The following ZBTB20 variants were observed in gnomAD, a reference collection of about 807,000 sequenced individuals.
ZBTB20 encodes zinc finger and BTB domain containing 20.
Under a neutral mutation model 56.9 loss-of-function variants are expected in ZBTB20, and 9 were observed. The ratio of observed to expected loss-of-function variants is 0.16; its 90% CI spans 0.10 to 0.28. The LOEUF is 0.28. Among genes scored for constraint, ZBTB20 ranks in the 10% least tolerant of loss-of-function variants. The pLI is 1.00. For missense variants in ZBTB20, 655 were observed against 1,003.0 expected (o/e 0.65, Z 4.69); for synonymous variants, 417 against 420.7 (o/e 0.99, Z 0.11).
intron 2 of ZBTB20, among the ~76,000 whole-genome samples, chr3:115,000,929 C>A (rs1291996752): frequency 6.6e-6 from 1 of 151,386 alleles, no homozygotes; most frequent in African/African-American, 2.4e-5. Context: ...CTTCTTGCAA[C>A]AAGAGAATAC....
At chr3:115,034,164 C>T (rs904928460) in intron 2 of ZBTB20, among the ~76,000 whole-genome samples, 10 of 151,592 alleles carry the variant, frequency 6.6e-5, no homozygotes, top group African/African-American at 2.4e-4. Context: ...ATACTGAAAG[C>T]TCTTCCTCTG....
chr3:114,538,354 A>G (rs572565739), intron 6 of ZBTB20, among the ~76,000 whole-genome samples: 1 of 152,306 alleles, frequency 6.6e-6, no homozygotes, highest in East Asian at 1.9e-4. Flanking sequence ...CAACATTAGT[A>G]ATAACTTCCT....
chr3:114,950,985 A>G (rs2077047428), intron 3 of ZBTB20, among the ~76,000 whole-genome samples: 1 of 152,162 alleles, frequency 6.6e-6, no homozygotes. Context: ...TTTTTCAAAA[A>G]TAAACTAATA....
chr3:115,014,288 A>G (rs1560492744), intron 2 of ZBTB20, among the ~76,000 whole-genome samples: 1 of 151,556 alleles, frequency 6.6e-6, no homozygotes, highest in Non-Finnish European at 1.5e-5. Flanking sequence ...GTAGGGGGAG[A>G]AGTGGGGATG....
intron 5 of ZBTB20, among the ~76,000 whole-genome samples, chr3:114,715,261 A>G (rs1432464360): frequency 6.6e-6 from 1 of 152,190 alleles, no homozygotes; most frequent in African/African-American, 2.4e-5. Flanking sequence ...TTCCTGTAGC[A>G]CATTATCGTT....
intron 6 of ZBTB20, among the ~76,000 whole-genome samples, chr3:114,522,395 G>A (rs780271315): frequency 5.9e-5 from 9 of 152,104 alleles, no homozygotes; most frequent in Non-Finnish European, 1.3e-4. Context: ...GAGGTAATGG[G>A]GAAATTGAAT....
chr3:114,846,075 A>G lies in ZBTB20; in HGVS notation c.-416-44901T>C, dbSNP rs1010836321. Among the ~76,000 whole-genome samples the G allele has an allele frequency of 1.3e-4, 20 of 152,196 alleles. 1 individual carries two copies. The highest frequency in any genetic ancestry group is 4.8e-4 in the African/African-American group (20 of 41,444). ...AGATAGGTGGTTAGATAAACACACAAGAGATATGTATGTTAGAGACATACA... is the reference window on the plus strand; with the variant it reads ...AGATAGGTGGTTAGATAAACACACAGGAGATATGTATGTTAGAGACATACA... On this transcript the variant is annotated intron_variant, in intron 4 of 11. Transcript: ENST00000675478.
intron 7 of ZBTB20, among the ~76,000 whole-genome samples, chr3:114,491,114 AT>A (rs1559863869): frequency 6.6e-6 from 1 of 152,238 alleles, no homozygotes; most frequent in African/African-American, 2.4e-5. Context: ...TGCCTGGAGA[AT>A]TTAACTAAGC....
chr3:115,052,318 A>G (rs1404210011), intron 2 of ZBTB20, among the ~76,000 whole-genome samples: 3 of 152,016 alleles, frequency 2.0e-5, no homozygotes, highest in Non-Finnish European at 1.5e-5. Context: ...TTAGCTGGGC[A>G]TGGTGGTGCA....
intron 7 of ZBTB20, among the ~76,000 whole-genome samples, chr3:114,490,895 G>A (rs1415446113): frequency 6.6e-6 from 1 of 152,178 alleles, no homozygotes; most frequent in Non-Finnish European, 1.5e-5. Flanking sequence ...CAGGGCAGAG[G>A]GAAGGAGCAG....
At chr3:115,139,316 T>C (rs925023464) in intron 1 of ZBTB20, among the ~76,000 whole-genome samples, 13 of 151,944 alleles carry the variant, frequency 8.6e-5, no homozygotes, top group African/African-American at 3.1e-4. Flanking sequence ...AAAGGATGAG[T>C]CAATTAAACA....
chr3:114,956,043 T>G (rs2077235279), intron 3 of ZBTB20, among the ~76,000 whole-genome samples: 1 of 152,192 alleles, frequency 6.6e-6, no homozygotes, highest in Non-Finnish European at 1.5e-5. Context: ...GTATTAAATA[T>G]GTTCTACTAC....
chr3:114,551,809 A>G (rs2050614200), intron 6 of ZBTB20, among the ~76,000 whole-genome samples: 1 of 152,248 alleles, frequency 6.6e-6, no homozygotes, highest in Admixed American at 6.5e-5. Flanking sequence ...ACGTGTCCCA[A>G]TTGTACCCCA....
intron 7 of ZBTB20, among the ~76,000 whole-genome samples, chr3:114,441,721 A>C (rs2108965273): frequency 6.6e-6 from 1 of 152,198 alleles, no homozygotes; most frequent in East Asian, 1.9e-4. Context: ...TAGGCAACAC[A>C]CCGGTGAATA....
intron 6 of ZBTB20, among the ~76,000 whole-genome samples, chr3:114,546,639 C>A (rs1330767529): frequency 6.7e-6 from 1 of 150,294 alleles, no homozygotes; most frequent in Non-Finnish European, 1.5e-5. Context: ...ATGAAGAAGT[C>A]AGCAAACATT....
chr3:114,669,394 A>T (rs2061236781), intron 6 of ZBTB20, among the ~76,000 whole-genome samples: 1 of 152,050 alleles, frequency 6.6e-6, no homozygotes, highest in Non-Finnish European at 1.5e-5. Flanking sequence ...CTTCAAAAAT[A>T]TATAAACTGA....
chr3:114,397,479 T>C (rs140549983), intron 7 of ZBTB20, among the ~76,000 whole-genome samples: 3 of 151,640 alleles, frequency 2.0e-5, no homozygotes, highest in Admixed American at 1.3e-4. Context: ...TTCTCTCTAC[T>C]TCTCTTTATC....
At chr3:114,797,248 G>C (rs1355548754) in intron 5 of ZBTB20, among the ~76,000 whole-genome samples, 3 of 151,522 alleles carry the variant, frequency 2.0e-5, no homozygotes, top group African/African-American at 4.8e-5. Context: ...TGTGATTCTA[G>C]TATATGTGAT....
chr3:115,083,475 C>T (rs958066444), intron 1 of ZBTB20, among the ~76,000 whole-genome samples: 13 of 151,872 alleles, frequency 8.6e-5, no homozygotes, highest in Admixed American at 3.9e-4. Context: ...AAACACTTAC[C>T]CTCATTGGAT....
Sources: gnomAD v4.1 joint callset for allele counts (sites outside exome capture counted in the v4.1 genomes callset) on GRCh38, gnomAD v4.1.1 for gene constraint, MANE v1.5 for transcripts, NCBI Gene and HGNC (gene_info 2026-07-23, HGNC 2026-07-21) for gene names.